Variants in CABLES1 observed in about 807,000 individuals in gnomAD.
The protein encoded by CABLES1 is Cdk5 and Abl enzyme substrate 1, also known as CDK5 and ABL1 enzyme substrate 1.
CABLES1 carries 36 observed loss-of-function variants against 57.8 expected under a neutral mutation model. That is an observed-to-expected ratio of 0.62 (90% CI 0.48 to 0.82). CABLES1 has a LOEUF of 0.82. CABLES1 is among the 40% of genes least tolerant of loss of function. The pLI is 0.00. For synonymous variants in CABLES1, 374 were observed against 363.0 expected, an observed-to-expected ratio of 1.03 and a Z score of -0.35; for missense variants, 767 against 836.6, an observed-to-expected ratio of 0.92 and a Z score of 1.03.
rs755607410 is a variant in CABLES1, at chr18:23,214,086, C to G, written c.1088+32C>G. On this transcript the variant is annotated intron_variant, in intron 4 of 9. Coordinates refer to ENST00000256925, the MANE Select transcript of CABLES1 (RefSeq NM_001100619.3). The stretch of plus-strand genomic sequence containing the variant: ...ATATGCATGCATGCTTTGTAGTTCT[C>G]TGGGTGAAAAGATCTCACACCAATG... 3 of 1,492,672 alleles carry G rather than the reference C, an allele frequency of 2.0e-6. No homozygotes were observed. In the East Asian group the frequency reaches 6.8e-5, roughly 34 times the overall value. The allele number at this position is 1,492,672 out of a possible 1,614,324, so 92.5% of individuals were successfully genotyped here.
chr18:23,246,235 C>G (rs2047876156), intron 7 of CABLES1, among the ~76,000 whole-genome samples: 1 of 150,230 alleles, frequency 6.7e-6, no homozygotes, highest in African/African-American at 2.4e-5. Flanking sequence ...CTGCACACTC[C>G]AGCCTAGGTG....
chr18:23,135,613 C>A lies in CABLES1; in HGVS notation c.-150C>A. On this transcript the variant is annotated 5_prime_UTR_variant, in exon 1 of 10. Coordinates refer to ENST00000256925, the MANE Select transcript of CABLES1 (RefSeq NM_001100619.3). ...CCCCAGCACCGAGGGGCGAGCATGG[C>A]CCGCCCGCGGGGGGGCTGGACCGCC... 1 of 547,214 alleles carries A rather than the reference C, an allele frequency of 1.8e-6. No homozygotes were observed. Among genetic ancestry groups the A allele is most frequent in the Non-Finnish European group, 2.3e-6 (1 of 431,004 alleles). The allele number at this position is 547,214 out of a possible 1,614,324, so 33.9% of individuals were successfully genotyped here. A position where few individuals can be genotyped will look rare whatever the true frequency, so the allele number is the denominator to read the frequency against.
At chr18:23,216,293 A>G (rs1346765488) in intron 4 of CABLES1, among the ~76,000 whole-genome samples, 1 of 152,182 alleles carries the variant, frequency 6.6e-6, no homozygotes, top group Non-Finnish European at 1.5e-5. Context: ...CTCAAACATC[A>G]ACTTTGGGCC....
At chr18:23,146,407 G>A (rs754432136) in intron 1 of CABLES1, among the ~76,000 whole-genome samples, 3 of 152,026 alleles carry the variant, frequency 2.0e-5, no homozygotes, top group Non-Finnish European at 2.9e-5. Flanking sequence ...GGGTTCAAGC[G>A]ATTGGCCAGG....
chr18:23,224,112 C>T (rs1232447162), intron 4 of CABLES1, among the ~76,000 whole-genome samples: 1 of 146,190 alleles, frequency 6.8e-6, no homozygotes, highest in Non-Finnish European at 1.5e-5. Context: ...TGTCGGCTTC[C>T]ACTTTTTTTT....
intron 3 of CABLES1, among the ~76,000 whole-genome samples, chr18:23,213,377 T>C (rs2047418462): frequency 6.6e-6 from 1 of 152,198 alleles, no homozygotes; most frequent in African/African-American, 2.4e-5. Context: ...ATGTTTTTTT[T>C]TAAGTGGCTT....
intron 1 of CABLES1, among the ~76,000 whole-genome samples, chr18:23,181,368 C>T (rs976163505): frequency 7.3e-5 from 11 of 151,622 alleles, no homozygotes; most frequent in African/African-American, 2.2e-4. Context: ...TGGTGGTATG[C>T]GCCTGTAGTC....
At chr18:23,243,580 C>T (rs1158523818) in intron 7 of CABLES1, among the ~76,000 whole-genome samples, 1 of 147,456 alleles carries the variant, frequency 6.8e-6, no homozygotes, top group Admixed American at 6.9e-5. Flanking sequence ...ATTTTTTTCT[C>T]ATAAAACTAA....
At chr18:23,225,788 C>T (rs2047523095) in intron 4 of CABLES1, among the ~76,000 whole-genome samples, 1 of 152,208 alleles carries the variant, frequency 6.6e-6, no homozygotes, top group African/African-American at 2.4e-5. Context: ...CTTGGTGACC[C>T]TCAGCTCACA....
chr18:23,195,099 G>C (rs756253785), intron 3 of CABLES1, among the ~76,000 whole-genome samples: 3 of 152,224 alleles, frequency 2.0e-5, no homozygotes, highest in Admixed American at 1.3e-4. Flanking sequence ...CGTTTGGAAA[G>C]CACCATTAAA....
chr18:23,145,040 A>C (rs529100850), intron 1 of CABLES1, among the ~76,000 whole-genome samples: 1 of 151,562 alleles, frequency 6.6e-6, no homozygotes, highest in African/African-American at 2.4e-5. Context: ...GGTTCAAGCA[A>C]TTCTCCTGCC....
At chr18:23,179,625 ACT>A (rs954530712) in intron 1 of CABLES1, among the ~76,000 whole-genome samples, 1 of 152,114 alleles carries the variant, frequency 6.6e-6, no homozygotes, top group African/African-American at 2.4e-5. Flanking sequence ...GTAGTGTCAG[ACT>A]CTGTGGCTCT....
Position 23,194,453 on chromosome 18 carries a change from G to A in CABLES1, c.923G>A (p.Arg308Gln), listed in dbSNP as rs1230797331. 8.1e-6 allele frequency: 13 copies of A among 1,606,416 alleles called. No homozygotes were observed. Among genetic ancestry groups the A allele is most frequent in the Non-Finnish European group, 1.0e-5 (12 of 1,173,266 alleles). Residue 308 changes from arginine to glutamine, a missense_variant, in exon 3 of 10, where the codon CGA (arginine) becomes CAA (glutamine). Around this residue, in one of 4 missense-constraint regions of CABLES1, gnomAD observed 529 missense variants for 622.8 expected, o/e 0.85. Transcript: ENST00000256925. ...IEENAPLRRC[R>Q]TLSGSPRPKN... ...GAAATGACTTTATTTTTCAGATGTC[G>A]AACTCTCTCAGGTTCACCCAGACCA...
intron 1 of CABLES1, among the ~76,000 whole-genome samples, chr18:23,141,615 CG>C (rs1180570800): frequency 1.3e-5 from 2 of 152,182 alleles, no homozygotes; most frequent in Non-Finnish European, 2.9e-5. Context: ...CCAGGCCAGG[CG>C]GGGGCCTGTG....
intron 7 of CABLES1, among the ~76,000 whole-genome samples, chr18:23,239,136 A>G (rs2047674458): frequency 6.6e-6 from 1 of 152,226 alleles, no homozygotes; most frequent in Non-Finnish European, 1.5e-5. Flanking sequence ...AGGCCGCAGT[A>G]TGTGTGTATG....
chr18:23,181,929 TC>T (rs2047169929), intron 1 of CABLES1, among the ~76,000 whole-genome samples: 1 of 152,206 alleles, frequency 6.6e-6, no homozygotes, highest in African/African-American at 2.4e-5. Context: ...TGACCTCAGC[TC>T]CTTCCTCACC....
intron 1 of CABLES1, among the ~76,000 whole-genome samples, chr18:23,150,358 G>A (rs999846369): frequency 1.3e-5 from 2 of 151,936 alleles, no homozygotes; most frequent in African/African-American, 2.4e-5. Context: ...ACAGGTGCCC[G>A]CCACCACGCC....
rs778594189 is a variant in CABLES1 at position 23,135,960 on chromosome 18, C to T, written c.198C>T (p.Leu66=). The T allele has an allele frequency of 6.1e-6, 7 of 1,140,614 alleles. No homozygotes were observed. The highest frequency in any genetic ancestry group is 6.4e-6 in the Non-Finnish European group (6 of 931,052). 70.7% of individuals were successfully genotyped at this position (1,140,614 alleles called of 1,614,324 possible). ...ACCCGCGGCGCCGCCAGGCTGCCCT[C>T]TCCTTCCTCACCAACATCTCGCTGG... is the stretch of plus-strand genomic sequence containing the variant. ...RMDPRRRQAA[L]SFLTNISLDG... The change falls in exon 1 of 10, where the codon CTC becomes CTT. Residue 66 remains leucine, a synonymous_variant. Transcript: ENST00000256925.
Position 23,219,057 on chromosome 18 carries a change from A to G in CABLES1, c.1088+5003A>G, listed in dbSNP as rs73968410. On this transcript the variant is annotated intron_variant, in intron 4 of 9. Coordinates refer to ENST00000256925, the MANE Select transcript of CABLES1 (RefSeq NM_001100619.3). Reference sequence around the variant, plus strand: ...AATTTCTTTATCCCCACCCCCCCGCAAGTGCCTTGCCATACCAGCATGCCA... The same window carrying G: ...AATTTCTTTATCCCCACCCCCCCGCGAGTGCCTTGCCATACCAGCATGCCA... 210 of 392,916 alleles carry G rather than the reference A, an allele frequency of 5.3e-4. 1 individual carries two copies. The highest frequency in any genetic ancestry group is 4.1e-3 in the African/African-American group (195 of 48,056). The allele number at this position is 392,916 out of a possible 1,614,324, so 24.3% of individuals were successfully genotyped here.
Sources: gnomAD v4.1 joint callset for allele counts (sites outside exome capture counted in the v4.1 genomes callset) on GRCh38, gnomAD v4.1.1 for gene constraint, gnomAD v4.1.1 regional missense constraint, MANE v1.5 for transcripts, NCBI Gene and HGNC (gene_info 2026-07-23, HGNC 2026-07-21) for gene names.